The following TBC1D19 variants were observed in gnomAD, a reference collection of about 807,000 sequenced individuals.
TBC1D19 encodes the protein TBC1 domain family, member 19.
Under a neutral mutation model 89.0 loss-of-function variants are expected in TBC1D19, and 60 were observed. The observed-to-expected ratio is 0.67, with a 90% CI of 0.55 to 0.84. The LOEUF (loss-of-function observed/expected upper bound fraction) is 0.84, where lower values mean the gene tolerates loss of function less well. TBC1D19 is among the 40% of genes least tolerant of loss of function. TBC1D19 has a pLI of 0.00. For synonymous variants in TBC1D19, 189 were observed against 199.7 expected, an observed-to-expected ratio of 0.95 and a Z score of 0.45; for missense variants, 500 against 610.8, an observed-to-expected ratio of 0.82 and a Z score of 1.91.
At chr4:26,798,920 T>C in the TBC1D19 span, among the ~76,000 whole-genome samples, 4 of 152,158 alleles carry the variant, frequency 2.6e-5, no homozygotes, top group Non-Finnish European at 4.4e-5. Flanking sequence ...AAAAAACTTA[T>C]CTGGTACAAT....
intron 15 of TBC1D19, among the ~76,000 whole-genome samples, chr4:26,731,743 C>T (rs933773124): frequency 2.0e-5 from 3 of 152,056 alleles, no homozygotes; most frequent in Non-Finnish European, 4.4e-5. Flanking sequence ...ACAAGAAGCC[C>T]GATCTGCGTC....
At chr4:26,628,963 C>G (rs1295173950) in intron 4 of TBC1D19, among the ~76,000 whole-genome samples, 2 of 151,862 alleles carry the variant, frequency 1.3e-5, no homozygotes, top group Non-Finnish European at 2.9e-5. Flanking sequence ...CAATGCCATC[C>G]CCATCAAATT....
chr4:26,694,711 C>G (rs1714608334), intron 13 of TBC1D19, among the ~76,000 whole-genome samples: 1 of 152,182 alleles, frequency 6.6e-6, no homozygotes, highest in Non-Finnish European at 1.5e-5. Flanking sequence ...GAGGAATGAT[C>G]AGGCAGCAAC....
chr4:26,606,301 G>A (rs1029169904), intron 1 of TBC1D19, among the ~76,000 whole-genome samples: 11 of 152,200 alleles, frequency 7.2e-5, no homozygotes, highest in African/African-American at 2.7e-4. Context: ...GAGAGGAATG[G>A]CCAGGGTGGT....
At chr4:26,849,033 C>T in the TBC1D19 span, among the ~76,000 whole-genome samples, 1 of 152,012 alleles carries the variant, frequency 6.6e-6, no homozygotes, top group Admixed American at 6.6e-5. Flanking sequence ...TTAGCTGGGC[C>T]ATCATGTTGC....
At chr4:26,622,775 G>C (rs184929532) in intron 4 of TBC1D19, among the ~76,000 whole-genome samples, 48 of 152,322 alleles carry the variant, frequency 3.2e-4, no homozygotes, top group Middle Eastern at 3.4e-3. Flanking sequence ...TTGCACAACA[G>C]TGACAGCCTA....
chr4:26,855,253 TA>T, the TBC1D19 span, among the ~76,000 whole-genome samples: 3 of 152,228 alleles, frequency 2.0e-5, no homozygotes, highest in Admixed American at 6.5e-5. Flanking sequence ...ACTTTAGGCA[TA>T]TGGCCCTGTA....
the TBC1D19 span, among the ~76,000 whole-genome samples, chr4:26,771,784 G>A: frequency 3.3e-3 from 503 of 151,586 alleles, 8 homozygotes; most frequent in East Asian, 1.6e-3. Flanking sequence ...TTAAAATTTT[G>A]TTCAAAGGGT....
At chr4:26,725,611 A>G (rs1717262887) in intron 15 of TBC1D19, among the ~76,000 whole-genome samples, 1 of 151,888 alleles carries the variant, frequency 6.6e-6, no homozygotes, top group East Asian at 1.9e-4. Flanking sequence ...ACAGGATTTT[A>G]CCATGTTGCC....
chr4:26,677,323 C>CT (rs35553916), intron 11 of TBC1D19, among the ~76,000 whole-genome samples: 56,201 of 144,650 alleles, frequency 0.39, 11,551 homozygotes, highest in Non-Finnish European at 0.47. Context: ...CCTATAAATC[C>CT]TTTTTTTTTT....
the TBC1D19 span, among the ~76,000 whole-genome samples, chr4:26,823,999 G>C: frequency 6.6e-6 from 1 of 152,150 alleles, no homozygotes; most frequent in Non-Finnish European, 1.5e-5. Flanking sequence ...TAACTAATAG[G>C]GCATTCCATT....
intron 1 of TBC1D19, among the ~76,000 whole-genome samples, chr4:26,612,336 G>A (rs1035882097): frequency 6.6e-6 from 1 of 151,760 alleles, no homozygotes; most frequent in Non-Finnish European, 1.5e-5. Flanking sequence ...GTGGAATTGA[G>A]AATAAATTTG....
At chr4:26,609,062 G>C (rs1332045430) in intron 1 of TBC1D19, among the ~76,000 whole-genome samples, 1 of 95,704 alleles carries the variant, frequency 1.0e-5, no homozygotes, top group Non-Finnish European at 2.1e-5. Context: ...GGGGTGGGGG[G>C]AGGGGGGAGG....
the TBC1D19 span, among the ~76,000 whole-genome samples, chr4:26,815,000 T>G: frequency 6.6e-6 from 1 of 150,548 alleles, no homozygotes; most frequent in African/African-American, 2.5e-5. Flanking sequence ...CCAGCTTGGG[T>G]GACAGCGTGA....
the TBC1D19 span, among the ~76,000 whole-genome samples, chr4:26,814,573 G>A: frequency 6.6e-6 from 1 of 152,192 alleles, no homozygotes; most frequent in African/African-American, 2.4e-5. Context: ...TTCTGTGAGT[G>A]CCTTGGGCAG....
chr4:26,643,598 G>T (rs1743700934), intron 7 of TBC1D19, among the ~76,000 whole-genome samples: 1 of 152,064 alleles, frequency 6.6e-6, no homozygotes, highest in South Asian at 2.1e-4. Context: ...GAAGGAGATA[G>T]AAACACAAAA....
chr4:26,831,414 A>C, the TBC1D19 span, among the ~76,000 whole-genome samples: 1 of 152,298 alleles, frequency 6.6e-6, no homozygotes, highest in Non-Finnish European at 1.5e-5. Flanking sequence ...CTGCTGTTAC[A>C]GTAAAAAGAA....
At chr4:26,701,562 C>A (rs1390720399) in intron 13 of TBC1D19, among the ~76,000 whole-genome samples, 1 of 151,946 alleles carries the variant, frequency 6.6e-6, no homozygotes, top group Non-Finnish European at 1.5e-5. Flanking sequence ...TTATCTTTTT[C>A]ATTATTGAGA....
the TBC1D19 span, among the ~76,000 whole-genome samples, chr4:26,770,235 A>G: frequency 1.3e-5 from 2 of 152,132 alleles, no homozygotes; most frequent in Non-Finnish European, 2.9e-5. Flanking sequence ...ATATAAAGGC[A>G]CAATTAGGTT....
Sources: gnomAD v4.1 joint callset for allele counts (sites outside exome capture counted in the v4.1 genomes callset) on GRCh38, gnomAD v4.1.1 for gene constraint, MANE v1.5 for transcripts, NCBI Gene and HGNC (gene_info 2026-07-23, HGNC 2026-07-21) for gene names.